The following MPP1 variants were observed in gnomAD, a reference collection of about 807,000 sequenced individuals.
MPP1 encodes 55 kDa erythrocyte membrane protein.
In MPP1, 6 loss-of-function variants were observed where a neutral mutation model predicts 38.2. The ratio of observed to expected loss-of-function variants is 0.16; its 90% confidence interval spans 0.09 to 0.31. The LOEUF is 0.31. Among genes scored for constraint, MPP1 ranks in the 10% least tolerant of loss-of-function variants. MPP1 has a pLI of 1.00. For synonymous variants in MPP1, 153 were observed against 146.3 expected, an observed-to-expected ratio of 1.05 and a Z score of -0.33; for missense variants, 293 against 368.9, an observed-to-expected ratio of 0.79 and a Z score of 1.69.
chrX:154,805,294 A>G lies in MPP1; in HGVS notation c.80T>C (p.Leu27Pro). ...ALSDLYLEHL[L>P]QKRSRPEAVS... is the part of the protein sequence containing the mutation. Reference sequence around the variant, plus strand: ...CACCTCTGGCCGACTACGCTTCTGCAGCAAATGCTCCAGGTAGAGGTCGGA... The same window carrying G: ...CACCTCTGGCCGACTACGCTTCTGCGGCAAATGCTCCAGGTAGAGGTCGGA... The change falls in exon 1 of 12, where the codon CTG becomes CCG. Residue 27 changes from leucine (L) to proline (P), a missense_variant. By Grantham distance (98) the Leu-to-Pro change is moderately conservative. Transcript: ENST00000369534. 1 of 1,207,299 alleles carries G rather than the reference A, an allele frequency of 8.3e-7. No individual in the cohort carries two copies. The highest frequency in any genetic ancestry group is 1.1e-6 in the Non-Finnish European group (1 of 893,028).
In MPP1 at chrX:154,803,229, T is replaced by C. The variant is rs782423276; in HGVS notation, c.102+2043A>G. On this transcript the variant is annotated intron_variant, in intron 1 of 11. Transcript: ENST00000369534. The stretch of plus-strand genomic sequence containing the variant: ...CAAAGGGAAGGTGAACCTAAAGAAA[T>C]AAGAATCCGCAGGTTGTGGAGTCAA... 2.7e-5 allele frequency among the ~76,000 whole-genome samples: 3 copies of C among 112,507 alleles called. No individual in the cohort carries two copies. In the South Asian group the frequency reaches 1.1e-3, roughly 41 times the overall value.
chrX:154,792,484 T>G, intron 1 of MPP1, 199 bp from the exon 2 acceptor site: 1 of 424,080 alleles, frequency 2.4e-6, no homozygotes, highest in Non-Finnish European at 3.9e-6. Flanking sequence ...AGTGTGGTGG[T>G]GTGCACCTGT....
chrX:154,786,255 C>T lies in MPP1; in HGVS notation c.626G>A (p.Gly209Asp). ...CAATCCTGCTGACTCCTTGGAGGAG[C>T]CTTCCACCCGTCCCTGCCACCAATT... Reference protein sequence around the residue: ...DSNWWQGRVEGSSKESAGLIP... With the variant: ...DSNWWQGRVEDSSKESAGLIP... The change falls in exon 6 of 12, where the codon GGC becomes GAC. Residue 209 changes from glycine to aspartate, a missense_variant. Gly to Asp is a moderately conservative substitution (Grantham distance 94). Coordinates refer to ENST00000369534, the MANE Select transcript of MPP1 (RefSeq NM_002436.4). 2 of 1,211,775 alleles carry T rather than the reference C, an allele frequency of 1.7e-6. No individual in the cohort carries two copies. The highest frequency in any genetic ancestry group is 3.5e-5 in the South Asian group (2 of 56,971).
Position 154,804,700 on chromosome X carries a change from T to C in MPP1, c.102+572A>G, listed in dbSNP as rs1460560358. On this transcript the variant is annotated intron_variant, in intron 1 of 11. Transcript: ENST00000369534. The stretch of plus-strand genomic sequence containing the variant: ...GTAACAGATAAGCACAACCTACCCT[T>C]AGGGCATCTTTGAGGACGGAGGTTA... The C allele has an allele frequency of 2.1e-5, 7 of 340,666 alleles. No individual in the cohort carries two copies. The Middle Eastern group carries it at 1.7e-3, about 85-fold the overall frequency. The allele number at this position is 340,666 out of a possible 1,213,427, so 28.1% of individuals were successfully genotyped here.
chrX:154,792,940 C>G (rs1887118558), intron 1 of MPP1, among the ~76,000 whole-genome samples: 1 of 111,515 alleles, frequency 9.0e-6, no homozygotes, highest in Non-Finnish European at 1.9e-5. Flanking sequence ...ATGAGTTACT[C>G]TACCAGGCAG....
rs1480621540 is a variant in MPP1 at position 154,805,399 on chromosome X, G to A, written c.-26C>T. ...CTCGCAGAAGCTGGAACACTGGAAC[G>A]CAAGACAGGGCAGCGCTGGGAATGA... On this transcript the variant is annotated 5_prime_UTR_variant, in exon 1 of 12. Transcript: ENST00000369534. 6.1e-6 allele frequency: 7 copies of A among 1,152,586 alleles called. No homozygotes were observed. The highest frequency in any genetic ancestry group is 2.4e-4 in the Middle Eastern group (1 of 4,179). The allele number at this position is 1,152,586 out of a possible 1,213,427, so 95.0% of individuals were successfully genotyped here.
At chrX:154,796,815 T>C (rs781959434) in intron 1 of MPP1, among the ~76,000 whole-genome samples, 1 of 111,886 alleles carries the variant, frequency 8.9e-6, no homozygotes, top group East Asian at 2.8e-4. Flanking sequence ...TGTAATCTTG[T>C]TCTGTTACAA....
At chrX:154,799,930 G>A in intron 1 of MPP1, 2 of 1,119,119 alleles carry the variant, frequency 1.8e-6, no homozygotes, top group Non-Finnish European at 2.4e-6. Flanking sequence ...AAACTTGGCG[G>A]GGGGCGGGCG....
intron 4 of MPP1, among the ~76,000 whole-genome samples, chrX:154,790,305 G>A (rs1470647589): frequency 1.8e-5 from 2 of 111,198 alleles, no homozygotes; most frequent in African/African-American, 6.6e-5. Context: ...GCTGAGGTGG[G>A]CGCATCGTCT....
intron 6 of MPP1, 99 bp downstream of exon 6, chrX:154,786,105 G>T: frequency 4.9e-6 from 4 of 819,662 alleles, no homozygotes; most frequent in Non-Finnish European, 7.0e-6. Flanking sequence ...AGGTCTCCTT[G>T]GTTGAGAAAC....
chrX:154,805,435 G>A lies in MPP1; in HGVS notation c.-62C>T, dbSNP rs1284520768. On this transcript the variant is annotated 5_prime_UTR_variant, in exon 1 of 12. Transcript: ENST00000369534. ...CAGCGCTGGGAATGACAGGGCCCGG[G>A]GCCTGCGGGGCTGCGGAGAAGGCGG... 4.8e-6 allele frequency: 5 copies of A among 1,043,397 alleles called. No homozygotes were observed. The highest frequency in any genetic ancestry group is 1.9e-5 in the African/African-American group (1 of 53,318). The allele number at this position is 1,043,397 out of a possible 1,213,427, so 86.0% of individuals were successfully genotyped here. A position where few individuals can be genotyped will look rare whatever the true frequency, so the allele number is the denominator to read the frequency against.
intron 1 of MPP1, among the ~76,000 whole-genome samples, chrX:154,794,811 G>T (rs2072177790): frequency 8.9e-6 from 1 of 112,662 alleles, no homozygotes; most frequent in Non-Finnish European, 1.9e-5. Context: ...ATAAGATGGT[G>T]AGGTTTGGGC....
chrX:154,789,903 A>C (rs1557267553), intron 5 of MPP1, 51 bp downstream of exon 5: 2 of 901,669 alleles, frequency 2.2e-6, no homozygotes, highest in African/African-American at 3.9e-5. Flanking sequence ...ATATAAGACA[A>C]CATGGCCCGA....
chrX:154,787,670 C>T (rs1268026114), intron 5 of MPP1, among the ~76,000 whole-genome samples: 1 of 111,864 alleles, frequency 8.9e-6, no homozygotes, highest in East Asian at 2.8e-4. Flanking sequence ...ATGGGTCTTG[C>T]TATGTTACCC....
intron 1 of MPP1, among the ~76,000 whole-genome samples, chrX:154,800,296 G>A (rs1299573222): frequency 1.8e-5 from 2 of 112,561 alleles, no homozygotes; most frequent in African/African-American, 6.5e-5. Context: ...TAGGGAGAGA[G>A]GAAGGCCTAA....
In MPP1 at chrX:154,803,565, G is replaced by A. The variant is rs143346660; in HGVS notation, c.102+1707C>T. On this transcript the variant is annotated intron_variant, in intron 1 of 11. Transcript: ENST00000369534. ...ACACATAGGTTTACATAAGAACCCC[G>A]ACACAAAATACATCATACTGTAGGA... Among the ~76,000 whole-genome samples the A allele has an allele frequency of 4.7e-4, 53 of 111,901 alleles. No individual in the cohort carries two copies. In the East Asian group the frequency reaches 0.015, roughly 31 times the overall value.
At chrX:154,780,232 C>G (rs2071975709) in intron 11 of MPP1, among the ~76,000 whole-genome samples, 1 of 112,574 alleles carries the variant, frequency 8.9e-6, no homozygotes, top group Non-Finnish European at 1.9e-5. Context: ...AAAGACAAAT[C>G]ATGTAACTAC....
chrX:154,793,065 A>G (rs1304016654), intron 1 of MPP1, among the ~76,000 whole-genome samples: 3 of 112,282 alleles, frequency 2.7e-5, no homozygotes, highest in Non-Finnish European at 5.6e-5. Context: ...ATTTATAGTC[A>G]GGTGACACTG....
chrX:154,790,890 T>C, intron 4 of MPP1, 93 bp downstream of exon 4: 1 of 764,165 alleles, frequency 1.3e-6, no homozygotes. Flanking sequence ...AAGGTACAAA[T>C]ACTTTGACAG....
Sources: gnomAD v4.1 joint callset for allele counts (sites outside exome capture counted in the v4.1 genomes callset) on GRCh38, gnomAD v4.1.1 for gene constraint, MANE v1.5 for transcripts, NCBI Gene and HGNC (gene_info 2026-07-23, HGNC 2026-07-21) for gene names.